Variants in NAP1L1 observed in about 807,000 individuals in gnomAD.
NAP1L1 encodes nucleosome assembly protein 1-like 1.
A neutral mutation model predicts 58.9 loss-of-function variants in NAP1L1; 9 were observed. The observed-to-expected ratio is 0.15, with a 90% CI of 0.09 to 0.27. The LOEUF (loss-of-function observed/expected upper bound fraction) is 0.27, where lower values mean the gene tolerates loss of function less well. NAP1L1 is among the 10% of genes least tolerant of loss of function. The probability of loss-of-function intolerance (pLI) is 1.00; values close to 1 mark genes in which losing one functional copy is unlikely to be tolerated. For synonymous variants in NAP1L1, 130 were observed against 138.3 expected, an observed-to-expected ratio of 0.94 and a Z score of 0.42; for missense variants, 302 against 458.8, an observed-to-expected ratio of 0.66 and a Z score of 3.12.
Position 76,047,956 on chromosome 12 carries a change from A to AT in NAP1L1, c.*472dup, listed in dbSNP as rs964767791. The AT allele has an allele frequency of 5.4e-4, 82 of 152,658 alleles. No homozygotes were observed. Among genetic ancestry groups the AT allele is most frequent in the South Asian group, 1.0e-3 (5 of 4,844 alleles). The allele number at this position is 152,658 out of a possible 1,614,324, so 9.5% of individuals were successfully genotyped here. A position where few individuals can be genotyped will look rare whatever the true frequency, so the allele number is the denominator to read the frequency against. On this transcript the variant is annotated 3_prime_UTR_variant, in exon 15 of 15. Coordinates refer to ENST00000618691, the MANE Select transcript of NAP1L1 (RefSeq NM_004537.7). ...TCTTAACCATATAGTTGTCTTGCCA[A>AT]TTTTTTTTTTAAACAATAAATTGTC... is the stretch of plus-strand genomic sequence containing the variant.
rs749251203 is a variant in NAP1L1 at position 76,048,461 on chromosome 12, C to T, written c.1144G>A (p.Asp382Asn). The part of the protein sequence containing the change: ...ENDPDYDPKK[D>N]QNPAECKQQ ...TGCTTGCACTCTGCTGGGTTTTGAT[C>T]CTTCTGTTAAAGGAAAACAACAAGT... Residue 382 changes from aspartate (D) to asparagine (N), a missense_variant, in exon 15 of 15, where the codon GAT (aspartate) becomes AAT (asparagine). Transcript: ENST00000618691. 7 of 1,613,640 alleles carry T rather than the reference C, an allele frequency of 4.3e-6. No individual in the cohort carries two copies. In the Admixed American group the frequency reaches 6.7e-5, roughly 15 times the overall value.
Position 76,070,982 on chromosome 12 carries a change from T to C in NAP1L1, c.18-1988A>G, listed in dbSNP as rs114989793. 9.7e-3 allele frequency among the ~76,000 whole-genome samples: 1,476 copies of C among 152,276 alleles called. 21 individuals carry two copies. The highest frequency in any genetic ancestry group is 0.033 in the African/African-American group (1,370 of 41,546). ...GCCAGGAGTTCAAGACCAGCCTGAT[T>C]AACACAGTAAGAATTCTCTATTAAA... On this transcript the variant is annotated intron_variant, in intron 2 of 14. Transcript: ENST00000618691.
rs1233468477 is a variant in NAP1L1, at chr12:76,058,410, G to A, written c.429+1388C>T. Among the ~76,000 whole-genome samples, 39 of 146,066 alleles carry A rather than the reference G, an allele frequency of 2.7e-4. 1 individual carries two copies. Among genetic ancestry groups the A allele is most frequent in the African/African-American group, 8.7e-4 (34 of 39,000 alleles). On this transcript the variant is annotated intron_variant, in intron 6 of 14. Coordinates refer to ENST00000618691, the MANE Select transcript of NAP1L1 (RefSeq NM_004537.7). ...TACTTTTTTTTTTTTTTTTTGAGAC[G>A]GAGTCTCACACTGTCGCCTGGGCTG...
intron 2 of NAP1L1, among the ~76,000 whole-genome samples, chr12:76,069,463 T>C (rs1452612943): frequency 1.3e-5 from 2 of 152,162 alleles, no homozygotes; most frequent in East Asian, 1.9e-4. Flanking sequence ...CTTAACAGGA[T>C]GGTAGATAGC....
chr12:76,060,481 G>C (rs531557302), intron 4 of NAP1L1, among the ~76,000 whole-genome samples: 2 of 152,178 alleles, frequency 1.3e-5, no homozygotes, highest in South Asian at 2.1e-4. Context: ...AATGTAACTG[G>C]GTAAATTGAT....
rs374482350 is a variant in NAP1L1 at position 76,064,443 on chromosome 12, T to A, written c.206+2928A>T. Among the ~76,000 whole-genome samples the A allele has an allele frequency of 4.6e-4, 70 of 151,982 alleles. No homozygotes were observed. The South Asian group carries it at 0.013, about 28-fold the overall frequency. On this transcript the variant is annotated intron_variant, in intron 4 of 14. Coordinates refer to ENST00000618691, the MANE Select transcript of NAP1L1 (RefSeq NM_004537.7). ...TCTTCACACTCAACATTTACAAAAG[T>A]AAGAGTATTAAGGCCATAAAAAACA...
rs997403602 is a variant in NAP1L1 at position 76,043,554 on chromosome 12, G to C, written c.*4875C>G. ...ACTTGAAATACTCTTGTAACAGGTG[G>C]TTCCAGTGTTTTAAACCCATTAAGA... On this transcript the variant is annotated 3_prime_UTR_variant, in exon 15 of 15. Transcript: ENST00000618691. 1 of 151,762 alleles carries C rather than the reference G, an allele frequency of 6.6e-6. No homozygotes were observed. Among genetic ancestry groups the C allele is most frequent in the African/African-American group, 2.4e-5 (1 of 41,290 alleles). 9.4% of individuals were successfully genotyped at this position (151,762 alleles called of 1,614,324 possible).
At chr12:76,048,828 T>G (rs945336925) in intron 14 of NAP1L1, among the ~76,000 whole-genome samples, 5 of 152,082 alleles carry the variant, frequency 3.3e-5, no homozygotes, top group African/African-American at 1.2e-4. Flanking sequence ...GTAAGAGTAG[T>G]TGGAAGGATC....
At position 76,045,863 on chromosome 12, in the gene NAP1L1, T is replaced by C. The variant is rs1948598487; in HGVS notation, c.*2566A>G. The C allele has an allele frequency of 6.6e-6, 1 of 152,060 alleles. No homozygotes were observed. Among genetic ancestry groups the C allele is most frequent in the South Asian group, 2.1e-4 (1 of 4,832 alleles). 9.4% of individuals were successfully genotyped at this position (152,060 alleles called of 1,614,324 possible). ...CATTTCTAACAGGAAAAAATGAGAC[T>C]TACTTGGCAGTGTGCATGGGCTGCT... On this transcript the variant is annotated 3_prime_UTR_variant, in exon 15 of 15. Transcript: ENST00000618691.
chr12:76,069,028 T>C (rs368839791), intron 2 of NAP1L1, 34 bp from the exon 3 acceptor site: 58 of 1,453,350 alleles, frequency 4.0e-5, no homozygotes, highest in Non-Finnish European at 5.5e-5. Flanking sequence ...AAGGTTCAAA[T>C]GTACCAATTA....
chr12:76,043,410 A>T lies in NAP1L1; in HGVS notation c.*5019T>A, dbSNP rs1406518692. On this transcript the variant is annotated 3_prime_UTR_variant, in exon 15 of 15. Coordinates refer to ENST00000618691, the MANE Select transcript of NAP1L1 (RefSeq NM_004537.7). ...CGTGGTGGCACGTGCCTGTGATACC[A>T]GCTACTCGAGAGGCTGATTGCAGCA... 1.3e-5 allele frequency: 2 copies of T among 150,128 alleles called. No homozygotes were observed. Among genetic ancestry groups the T allele is most frequent in the Admixed American group, 1.3e-4 (2 of 14,906 alleles). 9.3% of individuals were successfully genotyped at this position (150,128 alleles called of 1,614,324 possible).
chr12:76,039,012 T>C lies in NAP1L1; in HGVS notation c.*9417A>G, dbSNP rs1262834455. 1 of 152,210 alleles carries C rather than the reference T, an allele frequency of 6.6e-6. No individual in the cohort carries two copies. The highest frequency in any genetic ancestry group is 1.5e-5 in the Non-Finnish European group (1 of 68,050). The allele number at this position is 152,210 out of a possible 1,614,324, so 9.4% of individuals were successfully genotyped here. A position where few individuals can be genotyped will look rare whatever the true frequency, so the allele number is the denominator to read the frequency against. On this transcript the variant is annotated 3_prime_UTR_variant, in exon 15 of 15. Coordinates refer to ENST00000618691, the MANE Select transcript of NAP1L1 (RefSeq NM_004537.7). ...GCAGGACTCCAATCATAATTAATCC[T>C]TTTGGGCCGTATTTAAAGAAAATTA...
intron 1 of NAP1L1, among the ~76,000 whole-genome samples, chr12:76,077,280 G>A (rs1304186257): frequency 6.6e-6 from 1 of 152,126 alleles, no homozygotes; most frequent in Non-Finnish European, 1.5e-5. Flanking sequence ...GCTCTAACCT[G>A]CCCATTCTGG....
Position 76,047,043 on chromosome 12 carries a change from G to A in NAP1L1, c.*1386C>T, listed in dbSNP as rs886207722. On this transcript the variant is annotated 3_prime_UTR_variant, in exon 15 of 15. Transcript: ENST00000618691. ...CAAAGATCTAAAAAGAGTGCTGACT[G>A]CCCAGATCCAGAACAGAGGTACTTA... The A allele has an allele frequency of 3.9e-5, 6 of 152,434 alleles. No homozygotes were observed. Among genetic ancestry groups the A allele is most frequent in the Non-Finnish European group, 8.8e-5 (6 of 67,918 alleles). The allele number at this position is 152,434 out of a possible 1,614,324, so 9.4% of individuals were successfully genotyped here. A position where few individuals can be genotyped will look rare whatever the true frequency, so the allele number is the denominator to read the frequency against.
rs1212253250 is a variant in NAP1L1 at position 76,042,332 on chromosome 12, C to T, written c.*6097G>A. Reference sequence around the variant, plus strand: ...TTTGTTTCCTTATTAATGTTCACCACGATCTTTCGCAATACAGATGAAAAG... The same window carrying T: ...TTTGTTTCCTTATTAATGTTCACCATGATCTTTCGCAATACAGATGAAAAG... On this transcript the variant is annotated 3_prime_UTR_variant, in exon 15 of 15. Coordinates refer to ENST00000618691, the MANE Select transcript of NAP1L1 (RefSeq NM_004537.7). 3.9e-5 allele frequency: 6 copies of T among 152,188 alleles called. No homozygotes were observed. In the East Asian group the frequency reaches 7.7e-4, roughly 20 times the overall value. 9.4% of individuals were successfully genotyped at this position (152,188 alleles called of 1,614,324 possible).
Position 76,036,589 on chromosome 12 carries a change from A to G in NAP1L1, c.*11840T>C, listed in dbSNP as rs1871043901. On this transcript the variant is annotated 3_prime_UTR_variant, in exon 15 of 15. Transcript: ENST00000618691. ...CTTAAAGACATGTAACAGAACTTGG[A>G]AAGTTATTAAGTGTTTAATTCATAA... 1 of 152,166 alleles carries G rather than the reference A, an allele frequency of 6.6e-6. No individual in the cohort carries two copies. Among genetic ancestry groups the G allele is most frequent in the Admixed American group, 6.5e-5 (1 of 15,282 alleles). The allele number at this position is 152,166 out of a possible 1,614,324, so 9.4% of individuals were successfully genotyped here. A position where few individuals can be genotyped will look rare whatever the true frequency, so the allele number is the denominator to read the frequency against.
intron 2 of NAP1L1, among the ~76,000 whole-genome samples, chr12:76,073,038 C>G (rs762813869): frequency 6.6e-6 from 1 of 151,592 alleles, no homozygotes; most frequent in Non-Finnish European, 1.5e-5. Flanking sequence ...TTAAGCAATC[C>G]AAATTAGAGG....
chr12:76,075,642 A>T (rs1028084563), intron 1 of NAP1L1, among the ~76,000 whole-genome samples: 1 of 152,358 alleles, frequency 6.6e-6, no homozygotes. Context: ...GTAATGAGTC[A>T]GCATTTACAA....
rs186207173 is a variant in NAP1L1 at position 76,044,994 on chromosome 12, C to T, written c.*3435G>A. On this transcript the variant is annotated 3_prime_UTR_variant, in exon 15 of 15. Coordinates refer to ENST00000618691, the MANE Select transcript of NAP1L1 (RefSeq NM_004537.7). ...GTTAACTGCAGTATTATTTCACCAT[C>T]ACCATTTACATGTACTTTTCAGGTA... 2.5e-4 allele frequency: 38 copies of T among 152,238 alleles called. No individual in the cohort carries two copies. The highest frequency in any genetic ancestry group is 8.8e-5 in the Non-Finnish European group (6 of 67,982). 9.4% of individuals were successfully genotyped at this position (152,238 alleles called of 1,614,324 possible). A position where few individuals can be genotyped will look rare whatever the true frequency, so the allele number is the denominator to read the frequency against.
Sources: allele counts gnomAD v4.1 joint callset (sites outside exome capture counted in the v4.1 genomes callset), GRCh38; gene constraint gnomAD v4.1.1; transcripts MANE v1.5; gene names NCBI Gene and HGNC (gene_info 2026-07-23, HGNC 2026-07-21).